Variants in STXBP5 observed in about 807,000 individuals in gnomAD.
STXBP5 encodes syntaxin-binding protein 5.
STXBP5 carries 50 observed loss-of-function variants against 152.4 expected under a neutral mutation model. That is an observed-to-expected ratio of 0.33 (90% CI 0.26 to 0.42). The LOEUF is 0.42. Ranked by LOEUF, STXBP5 falls within the 10% of genes least tolerant of loss-of-function variation. The probability of loss-of-function intolerance (pLI) is 1.00; values close to 1 mark genes in which losing one functional copy is unlikely to be tolerated. For synonymous variants in STXBP5, 492 were observed against 494.7 expected (o/e 0.99, Z 0.07); for missense variants, 1,167 against 1,388.6 (o/e 0.84, Z 2.54).
chr6:147,382,877 T>C lies in STXBP5; in HGVS notation c.3293T>C (p.Val1098Ala), dbSNP rs1357509887. 7 of 1,613,348 alleles carry C rather than the reference T, an allele frequency of 4.3e-6. No homozygotes were observed. Among genetic ancestry groups the C allele is most frequent in the East Asian group, 2.2e-5 (1 of 44,850 alleles). Residue 1098 changes from valine (V) to alanine (A), a missense_variant, in exon 27 of 28, where the codon GTT becomes GCT. Transcript: ENST00000321680. ...EGVKGAASGV[V>A]GELARARLAL... ...GTAAAAGGGGCAGCATCTGGAGTTG[T>C]TGGTGAATTAGCACGAGCCAGGCTG...
chr6:147,315,906 T>G (rs1355902637), intron 15 of STXBP5, among the ~76,000 whole-genome samples, 171 bp downstream of exon 15: 1 of 152,186 alleles, frequency 6.6e-6, no homozygotes, highest in African/African-American at 2.4e-5. Flanking sequence ...TTGCATATAT[T>G]TTCACTGATT....
intron 5 of STXBP5, among the ~76,000 whole-genome samples, 179 bp from the exon 6 acceptor site, chr6:147,262,111 C>T (rs1366300480): frequency 6.6e-6 from 1 of 151,874 alleles, no homozygotes; most frequent in Non-Finnish European, 1.5e-5. Flanking sequence ...ACCACTTCTT[C>T]CCTGATCCCT....
chr6:147,213,477 T>TGCGCGCGCGCACGCGC (rs1554282764), intron 2 of STXBP5, among the ~76,000 whole-genome samples: 1 of 131,278 alleles, frequency 7.6e-6, no homozygotes. Context: ...TGTGTGTGTG[T>TGCGCGCGCGCACGCGC]GCGCGCGCAT....
At chr6:147,338,920 A>G (rs981768413) in intron 19 of STXBP5, among the ~76,000 whole-genome samples, 1 of 151,836 alleles carries the variant, frequency 6.6e-6, no homozygotes, top group African/African-American at 2.4e-5. Context: ...CATCTAATAT[A>G]CCAAGATTTT....
At position 147,389,169 on chromosome 6, in the gene STXBP5, C is replaced by T. The variant is rs993545067; in HGVS notation, c.*4414C>T. On this transcript the variant is annotated 3_prime_UTR_variant, in exon 28 of 28. Coordinates refer to ENST00000321680, the MANE Select transcript of STXBP5 (RefSeq NM_001127715.4). ...CTTTTGTTAATTGCACTTTTCATCA[C>T]TCTGATCAATTTCTTGTAAAGTGCT... 6.6e-6 allele frequency: 1 copy of T among 151,636 alleles called. No homozygotes were observed. Among genetic ancestry groups the T allele is most frequent in the African/African-American group, 2.4e-5 (1 of 41,372 alleles). The allele number at this position is 151,636 out of a possible 1,614,324, so 9.4% of individuals were successfully genotyped here.
chr6:147,371,420 G>A (rs1488092095), intron 25 of STXBP5, among the ~76,000 whole-genome samples: 1 of 151,926 alleles, frequency 6.6e-6, no homozygotes, highest in Non-Finnish European at 1.5e-5. Flanking sequence ...TTTCTAATTG[G>A]TTTCATCTCT....
chr6:147,330,273 C>CTACTAATGATTGTGTGTATATTAAATA, intron 18 of STXBP5, among the ~76,000 whole-genome samples: 1 of 151,982 alleles, frequency 6.6e-6, no homozygotes, highest in South Asian at 2.1e-4. Flanking sequence ...AATGATAAAA[C>CTACTAATGATTGTGTGTATATTAAATA]TACTAATGAT....
At chr6:147,223,123 C>G (rs1273696106) in intron 2 of STXBP5, among the ~76,000 whole-genome samples, 1 of 152,190 alleles carries the variant, frequency 6.6e-6, no homozygotes, top group Admixed American at 6.5e-5. Context: ...GATTTCCATG[C>G]TCCTTACACA....
chr6:147,345,773 T>C (rs1047743726), intron 21 of STXBP5, among the ~76,000 whole-genome samples: 2 of 152,180 alleles, frequency 1.3e-5, no homozygotes, highest in South Asian at 4.1e-4. Context: ...AAAGGGAAAT[T>C]ACAAAACATC....
At chr6:147,260,537 C>G in intron 4 of STXBP5, 78 bp from the exon 5 acceptor site, 2 of 1,537,926 alleles carry the variant, frequency 1.3e-6, no homozygotes, top group South Asian at 2.3e-5. Flanking sequence ...AATTATATAT[C>G]ATAATCAACC....
intron 9 of STXBP5, among the ~76,000 whole-genome samples, chr6:147,295,591 G>C (rs1781478585): frequency 6.6e-6 from 1 of 152,146 alleles, no homozygotes; most frequent in African/African-American, 2.4e-5. Flanking sequence ...GGCATAGAGG[G>C]GGAGCAAAAC....
rs1203059840 is a variant in STXBP5 at position 147,239,211 on chromosome 6, A to T, written c.372A>T (p.Leu124Phe). ...CCTTGGCTGATGACACCTTACACTT[A>T]TGGAATTTACGTCAGAAGAGGCCTG... is the stretch of plus-strand genomic sequence containing the variant. ...VSALADDTLH[L>F]WNLRQKRPAI... Residue 124 changes from leucine to phenylalanine, a missense_variant, in exon 4 of 28, where the codon TTA becomes TTT. Physicochemically the swap from Leu to Phe is conservative, Grantham distance 22. This residue lies in a region of STXBP5 where 310 missense variants were observed against 346.1 expected (regional missense o/e 0.90). Coordinates refer to ENST00000321680, the MANE Select transcript of STXBP5 (RefSeq NM_001127715.4). 4.3e-6 allele frequency: 7 copies of T among 1,613,752 alleles called. No homozygotes were observed. The highest frequency in any genetic ancestry group is 5.9e-6 in the Non-Finnish European group (7 of 1,179,816).
intron 22 of STXBP5, among the ~76,000 whole-genome samples, chr6:147,355,784 A>G (rs1784790286): frequency 6.6e-6 from 1 of 152,014 alleles, no homozygotes; most frequent in South Asian, 2.1e-4. Flanking sequence ...GGCACATGGT[A>G]GGCCTTGCTT....
chr6:147,264,750 G>C (rs180904833), intron 6 of STXBP5, among the ~76,000 whole-genome samples: 1 of 152,090 alleles, frequency 6.6e-6, no homozygotes, highest in East Asian at 1.9e-4. Context: ...TTTTAATTAA[G>C]TACTCTATCT....
At chr6:147,305,618 T>A (rs890223836) in intron 9 of STXBP5, among the ~76,000 whole-genome samples, 7 of 152,238 alleles carry the variant, frequency 4.6e-5, no homozygotes, top group African/African-American at 1.7e-4. Flanking sequence ...AATAGGAGAG[T>A]GTGAATTTCT....
In STXBP5 at chr6:147,389,806, G is replaced by A. The variant is rs1038293818; in HGVS notation, c.*5051G>A. The A allele has an allele frequency of 2.0e-5, 3 of 151,608 alleles. No homozygotes were observed. Among genetic ancestry groups the A allele is most frequent in the African/African-American group, 7.3e-5 (3 of 41,322 alleles). The allele number at this position is 151,608 out of a possible 1,614,324, so 9.4% of individuals were successfully genotyped here. A position where few individuals can be genotyped will look rare whatever the true frequency, so the allele number is the denominator to read the frequency against. On this transcript the variant is annotated 3_prime_UTR_variant, in exon 28 of 28. Transcript: ENST00000321680. ...TAGCAATGGAAAGCAATGCAAAGAG[G>A]GTAAATCTTGTTTTAATTTTTTTAA...
rs1472864408 is a variant in STXBP5 at position 147,283,473 on chromosome 6, C to T, written c.838+5269C>T. 2.0e-5 allele frequency among the ~76,000 whole-genome samples: 3 copies of T among 152,008 alleles called. No homozygotes were observed. In the East Asian group the frequency reaches 5.8e-4, roughly 29 times the overall value. On this transcript the variant is annotated intron_variant, in intron 8 of 27. Coordinates refer to ENST00000321680, the MANE Select transcript of STXBP5 (RefSeq NM_001127715.4). ...CTCAAACAAGACCATGATTTAAAGG[C>T]GAAGGATATGATACAGGAGGAGAAA... is the stretch of plus-strand genomic sequence containing the variant.
At chr6:147,363,219 A>AG (rs1299616949) in intron 23 of STXBP5, 116 bp from the exon 24 acceptor site, 4 of 1,079,632 alleles carry the variant, frequency 3.7e-6, no homozygotes, top group Non-Finnish European at 5.1e-6. Flanking sequence ...GCCAGTGTTC[A>AG]GTTCAATATG....
At position 147,220,350 on chromosome 6, in the gene STXBP5, G is replaced by A. The variant is rs552221301; in HGVS notation, c.248+14282G>A. Among the ~76,000 whole-genome samples, 3 of 152,190 alleles carry A rather than the reference G, an allele frequency of 2.0e-5. No individual in the cohort carries two copies. The South Asian group carries it at 6.2e-4, about 32-fold the overall frequency. Reference sequence around the variant, plus strand: ...GTTTGAGAAGAATGTGTGTTTTGCTGTTATTGGATAACGTAGACTGTAGAT... The same window carrying A: ...GTTTGAGAAGAATGTGTGTTTTGCTATTATTGGATAACGTAGACTGTAGAT... On this transcript the variant is annotated intron_variant, in intron 2 of 27. Transcript: ENST00000321680.
Sources: allele counts gnomAD v4.1 joint callset (sites outside exome capture counted in the v4.1 genomes callset), GRCh38; gene constraint gnomAD v4.1.1; regional missense constraint gnomAD v4.1.1; transcripts MANE v1.5; gene names NCBI Gene and HGNC (gene_info 2026-07-23, HGNC 2026-07-21).